The following PXYLP1 variants were observed in gnomAD, a reference collection of about 807,000 sequenced individuals.
The protein encoded by PXYLP1 is acid phosphatase-like 2.
PXYLP1 carries 17 observed loss-of-function variants against 37.9 expected under a neutral mutation model. The observed-to-expected ratio is 0.45, with a 90% CI of 0.31 to 0.67. The LOEUF (loss-of-function observed/expected upper bound fraction) is 0.67. PXYLP1 is among the 30% of genes least tolerant of loss of function. The pLI is 0.07. For synonymous variants in PXYLP1, 221 were observed against 232.2 expected, an observed-to-expected ratio of 0.95 and a Z score of 0.44; for missense variants, 511 against 612.0, an observed-to-expected ratio of 0.84 and a Z score of 1.74.
chr3:141,250,061 G>C (rs573748148), intron 1 of PXYLP1, among the ~76,000 whole-genome samples: 1 of 152,292 alleles, frequency 6.6e-6, no homozygotes, highest in East Asian at 1.9e-4. Flanking sequence ...TAAATCTGCA[G>C]ATTATCAGCC....
intron 2 of PXYLP1, among the ~76,000 whole-genome samples, chr3:141,265,474 T>G (rs1941485937): frequency 6.6e-6 from 1 of 151,226 alleles, no homozygotes; most frequent in Non-Finnish European, 1.5e-5. Context: ...GAACTGCCAA[T>G]CCAGAGGCTT....
At chr3:141,251,313 G>A (rs562479505) in intron 1 of PXYLP1, among the ~76,000 whole-genome samples, 1 of 152,194 alleles carries the variant, frequency 6.6e-6, no homozygotes, top group Non-Finnish European at 1.5e-5. Context: ...CATGGTGAAA[G>A]TTGCTCCTCA....
intron 1 of PXYLP1, among the ~76,000 whole-genome samples, chr3:141,245,470 CT>C (rs548095469): frequency 6.6e-6 from 1 of 152,174 alleles, no homozygotes; most frequent in South Asian, 2.1e-4. Flanking sequence ...GTTCTCTGTC[CT>C]TTTTTCCTTT....
At chr3:141,263,212 A>T (rs569965397) in intron 2 of PXYLP1, among the ~76,000 whole-genome samples, 50 of 152,314 alleles carry the variant, frequency 3.3e-4, no homozygotes, top group Non-Finnish European at 6.2e-4. Flanking sequence ...TTAAGTGCTT[A>T]TGTGTGTTTG....
intron 1 of PXYLP1, among the ~76,000 whole-genome samples, chr3:141,247,944 C>A (rs1379410975): frequency 6.6e-6 from 1 of 151,986 alleles, no homozygotes; most frequent in Non-Finnish European, 1.5e-5. Flanking sequence ...TAAGTTACAT[C>A]AACCTGGAGT....
intron 1 of PXYLP1, among the ~76,000 whole-genome samples, chr3:141,233,185 G>T (rs1003654192): frequency 6.6e-6 from 1 of 152,140 alleles, no homozygotes; most frequent in Non-Finnish European, 1.5e-5. Context: ...GGATCAAAAG[G>T]CCTCGGGCGC....
chr3:141,278,320 A>C lies in PXYLP1; in HGVS notation c.80-22A>C, dbSNP rs1390697521. The stretch of plus-strand genomic sequence containing the variant: ...TGGCGCCCCAGGAACTGTGCGTCAC[A>C]ACCTGCCTTACTTCGTTTCAGTCCA... On this transcript the variant is annotated intron_variant, in intron 2 of 5. Coordinates refer to ENST00000286353, the MANE Select transcript of PXYLP1 (RefSeq NM_001037172.3). The C allele has an allele frequency of 3.1e-6, 5 of 1,613,770 alleles. No homozygotes were observed. In the East Asian group the frequency reaches 1.1e-4, roughly 36 times the overall value.
chr3:141,262,971 A>T (rs1436792810), intron 2 of PXYLP1, among the ~76,000 whole-genome samples: 4 of 152,206 alleles, frequency 2.6e-5, no homozygotes, highest in Non-Finnish European at 1.5e-5. Context: ...TTTAAGTAAC[A>T]TATTTGAGGC....
At chr3:141,260,010 C>T (rs1030202158) in intron 1 of PXYLP1, 113 bp from the exon 2 acceptor site, 20 of 708,896 alleles carry the variant, frequency 2.8e-5, no homozygotes, top group South Asian at 1.1e-4. Context: ...GCTTCCCTGC[C>T]GGGGGACTGG....
chr3:141,260,194 T>C lies in PXYLP1; in HGVS notation c.19T>C (p.Phe7Leu). 1 of 1,613,934 alleles carries C rather than the reference T, an allele frequency of 6.2e-7. No homozygotes were observed. Among genetic ancestry groups the C allele is most frequent in the Non-Finnish European group, 8.5e-7 (1 of 1,180,050 alleles). The change falls in exon 2 of 6, where the codon TTC becomes CTC. Residue 7 changes from phenylalanine to leucine, a missense_variant. Physicochemically the swap from Phe to Leu is conservative, Grantham distance 22. Coordinates refer to ENST00000286353, the MANE Select transcript of PXYLP1 (RefSeq NM_001037172.3). MLFRNR[F>L]LLLLALAALL... Reference sequence around the variant, plus strand: ...CTTAATAATGCTTTTCCGCAACCGCTTCTTGCTGCTGCTGGCCCTGGCTGC... The same window carrying C: ...CTTAATAATGCTTTTCCGCAACCGCCTCTTGCTGCTGCTGGCCCTGGCTGC...
rs1308153895 is a variant in PXYLP1 at position 141,292,633 on chromosome 3, G to A, written c.871G>A (p.Ala291Thr). 1 of 1,613,644 alleles carries A rather than the reference G, an allele frequency of 6.2e-7. No individual in the cohort carries two copies. Among genetic ancestry groups the A allele is most frequent in the Non-Finnish European group, 8.5e-7 (1 of 1,179,842 alleles). ...GGATGTCCCCACCAAGCAGCTTAGA[G>A]CTGCCAACCCCATAGACTCCATGCT... ...IVDVPTKQLR[A>T]ANPIDSMLCH... is the part of the protein sequence containing the mutation. Residue 291 changes from alanine (A) to threonine (T), a missense_variant, in exon 6 of 6, where the codon GCT becomes ACT. Ala to Thr is a moderately conservative substitution (Grantham distance 58). Transcript: ENST00000286353. This position sits in a 1 kb window ranked among gnomAD's most constrained non-coding sequence, Gnocchi z 4.3.
intron 2 of PXYLP1, chr3:141,262,325 C>T (rs976017817): frequency 4.1e-5 from 41 of 1,010,018 alleles, no homozygotes; most frequent in Non-Finnish European, 7.1e-6. Context: ...AATCTGAATC[C>T]TTTCCAAAAA....
intron 5 of PXYLP1, among the ~76,000 whole-genome samples, chr3:141,288,820 C>T (rs543492260): frequency 4.6e-5 from 7 of 152,206 alleles, no homozygotes; most frequent in Non-Finnish European, 8.8e-5. Flanking sequence ...CACTTGAGCC[C>T]GGGAGGTCAA....
Position 141,292,059 on chromosome 3 carries a change from G to A in PXYLP1, c.506-209G>A, listed in dbSNP as rs115485747. Among the ~76,000 whole-genome samples, 2,246 of 152,286 alleles carry A rather than the reference G, an allele frequency of 0.015. 75 individuals are homozygous for A. The highest frequency in any genetic ancestry group is 0.076 in the Admixed American group (1,165 of 15,298). On this transcript the variant is annotated intron_variant, in intron 5 of 5. Transcript: ENST00000286353. This position sits in a 1 kb window ranked among gnomAD's most constrained non-coding sequence, Gnocchi z 4.3. Reference sequence around the variant, plus strand: ...CCGTGGTTCTCAAGGCCAGGGCCCCGCTCTGCTCATCCTTCATGAATAACC... The same window carrying A: ...CCGTGGTTCTCAAGGCCAGGGCCCCACTCTGCTCATCCTTCATGAATAACC...
rs1314455765 is a variant in PXYLP1, at chr3:141,279,369, C to T, written c.239-9C>T. 1.9e-6 allele frequency: 3 copies of T among 1,613,990 alleles called. No homozygotes were observed. The highest frequency in any genetic ancestry group is 1.3e-5 in the African/African-American group (1 of 74,938). On this transcript the variant is annotated splice_polypyrimidine_tract_variant and intron_variant, in intron 3 of 5. Transcript: ENST00000286353. ...AGTGATAACCAGACAATGTGCTTCT[C>T]TCGCGCAGGTCATGCCCCGCATCAT...
chr3:141,232,164 C>T (rs912253728), intron 1 of PXYLP1, among the ~76,000 whole-genome samples: 2 of 152,116 alleles, frequency 1.3e-5, no homozygotes, highest in African/African-American at 4.8e-5. Context: ...GCCACTCCCC[C>T]CGTGCGCCCG....
intron 2 of PXYLP1, chr3:141,272,944 A>G (rs556287130): frequency 1.2e-5 from 12 of 970,144 alleles, no homozygotes; most frequent in South Asian, 4.8e-5. Flanking sequence ...GTGTTCTTCA[A>G]CCCAATCAAG....
At chr3:141,256,033 G>A (rs1941255280) in intron 1 of PXYLP1, among the ~76,000 whole-genome samples, 1 of 152,202 alleles carries the variant, frequency 6.6e-6, no homozygotes, top group African/African-American at 2.4e-5. Flanking sequence ...CTGATGGATG[G>A]GATGGGGCCA....
intron 2 of PXYLP1, chr3:141,267,222 G>C (rs1450196629): frequency 6.6e-6 from 1 of 152,220 alleles, no homozygotes; most frequent in Non-Finnish European, 1.5e-5. Flanking sequence ...GTGGAGAAAA[G>C]TACAGAGTGG....
Sources: allele counts gnomAD v4.1 joint callset (sites outside exome capture counted in the v4.1 genomes callset), GRCh38; gene constraint gnomAD v4.1.1; non-coding constraint Gnocchi (gnomAD v3.1); transcripts MANE v1.5; gene names NCBI Gene and HGNC (gene_info 2026-07-23, HGNC 2026-07-21).